NCOR1: variants seen among roughly 807,000 people sequenced by gnomAD.
NCOR1 encodes protein phosphatase 1, regulatory subunit 109.
NCOR1 carries 63 observed loss-of-function variants against 288.1 expected under a neutral mutation model. That is an observed-to-expected ratio of 0.22 (90% confidence interval 0.18 to 0.27). The LOEUF (loss-of-function observed/expected upper bound fraction) is 0.27, where lower values mean the gene tolerates loss of function less well. NCOR1 is among the 10% of genes least tolerant of loss of function. The pLI, the probability that NCOR1 is intolerant of heterozygous loss-of-function variation, is 1.00. For missense variants in NCOR1, 2,397 were observed against 3,019.2 expected (o/e 0.79, Z 4.83); for synonymous variants, 1,007 against 1,065.9 (o/e 0.94, Z 1.08).
chr17:16,135,891 G>C (rs2076323202), intron 14 of NCOR1, among the ~76,000 whole-genome samples: 1 of 152,166 alleles, frequency 6.6e-6, no homozygotes, highest in African/African-American at 2.4e-5. Context: ...CCCAACAAAA[G>C]GGTGGCTGAG....
At chr17:16,137,968 C>T in intron 13 of NCOR1, 190 bp downstream of exon 13, 2 of 487,252 alleles carry the variant, frequency 4.1e-6, no homozygotes, top group Non-Finnish European at 7.2e-6. Context: ...TTTCATTAAC[C>T]ATTTAGTTCT....
chr17:16,034,450 T>C (rs1268610467), intron 45 of NCOR1, among the ~76,000 whole-genome samples: 1 of 151,356 alleles, frequency 6.6e-6, no homozygotes, highest in African/African-American at 2.4e-5. Flanking sequence ...AAAATGAAAA[T>C]GAAAAAAATT....
intron 3 of NCOR1, among the ~76,000 whole-genome samples, chr17:16,175,850 A>T (rs2084055915): frequency 6.6e-6 from 1 of 151,672 alleles, no homozygotes; most frequent in African/African-American, 2.4e-5. Context: ...AAAAAAAAAA[A>T]AGATGGGTTT....
At position 16,030,285 on chromosome 17, in the gene NCOR1, G is replaced by C; in HGVS notation, c.*2011C>G. The stretch of plus-strand genomic sequence containing the variant: ...ATAGGCTGAGGATGAGAAGGGGTTG[G>C]TCTTGCTATCTTGGGTGGCAGAGGT... On this transcript the variant is annotated 3_prime_UTR_variant, in exon 46 of 46. Coordinates refer to ENST00000268712, the MANE Select transcript of NCOR1 (RefSeq NM_006311.4). 1 of 225,336 alleles carries C rather than the reference G, an allele frequency of 4.4e-6. No homozygotes were observed. The highest frequency in any genetic ancestry group is 6.4e-5 in the East Asian group (1 of 15,712). The allele number at this position is 225,336 out of a possible 1,614,324, so 14.0% of individuals were successfully genotyped here. A position where few individuals can be genotyped will look rare whatever the true frequency, so the allele number is the denominator to read the frequency against.
At chr17:16,036,158 T>C (rs1437084365) in intron 44 of NCOR1, among the ~76,000 whole-genome samples, 2 of 150,726 alleles carry the variant, frequency 1.3e-5, no homozygotes, top group African/African-American at 2.5e-5. Context: ...AGAATGGATG[T>C]TGTGTTAGCA....
chr17:16,210,699 A>G (rs1045272625), intron 1 of NCOR1, among the ~76,000 whole-genome samples: 3 of 152,026 alleles, frequency 2.0e-5, no homozygotes, highest in African/African-American at 7.2e-5. Flanking sequence ...CTAAATATCC[A>G]AAGTAATCTC....
At chr17:16,131,652 T>C (rs2075660447) in intron 14 of NCOR1, among the ~76,000 whole-genome samples, 2 of 152,180 alleles carry the variant, frequency 1.3e-5, no homozygotes, top group Non-Finnish European at 2.9e-5. Flanking sequence ...TTTAAAAATA[T>C]ACTTCGGGAA....
At chr17:16,126,782 T>C (rs544687921) in intron 14 of NCOR1, among the ~76,000 whole-genome samples, 41 of 152,318 alleles carry the variant, frequency 2.7e-4, no homozygotes, top group African/African-American at 8.7e-4. Flanking sequence ...AGCTAAGCAG[T>C]CACACTAGGA....
At chr17:16,122,128 C>T (rs1347547487) in intron 15 of NCOR1, among the ~76,000 whole-genome samples, 3 of 152,190 alleles carry the variant, frequency 2.0e-5, no homozygotes, top group African/African-American at 7.2e-5. Context: ...CATGTAGAAA[C>T]ATGGTGGTTC....
chr17:16,182,432 A>T (rs1473813739), intron 3 of NCOR1, among the ~76,000 whole-genome samples: 2 of 152,200 alleles, frequency 1.3e-5, no homozygotes, highest in African/African-American at 4.8e-5. Flanking sequence ...CAGAAAACTT[A>T]AATAAATTTA....
chr17:16,087,794 A>G (rs905102142), intron 22 of NCOR1, among the ~76,000 whole-genome samples: 23 of 152,378 alleles, frequency 1.5e-4, no homozygotes, highest in African/African-American at 5.5e-4. Context: ...AAGCCTTTCA[A>G]AAGATGCAGA....
Position 16,153,389 on chromosome 17 carries a change from C to A in NCOR1, c.739G>T (p.Ala247Ser). The A allele has an allele frequency of 6.3e-7, 1 of 1,593,076 alleles. No individual in the cohort carries two copies. Among genetic ancestry groups the A allele is most frequent in the Non-Finnish European group, 8.6e-7 (1 of 1,166,960 alleles). The change falls in exon 7 of 46, where the codon GCA (alanine) becomes TCA (serine). Residue 247 changes from alanine to serine, a missense_variant. This residue lies in a region of NCOR1 where 76 missense variants were observed against 102.2 expected (regional missense o/e 0.74). Transcript: ENST00000268712. ...QIIYDENRKK[A>S]EEAHKIFEGL... is the part of the protein sequence containing the mutation. ...TCAAAAATTTTATGAGCTTCTTCTGCTTTTTTCTAGAGATAAAGACATTGT... is the reference window on the plus strand; with the variant it reads ...TCAAAAATTTTATGAGCTTCTTCTGATTTTTTCTAGAGATAAAGACATTGT...
chr17:16,151,044 A>G (rs1473277780), intron 8 of NCOR1, among the ~76,000 whole-genome samples: 2 of 151,286 alleles, frequency 1.3e-5, no homozygotes, highest in East Asian at 3.9e-4. Context: ...AGAAAAAAAT[A>G]AATATATATA....
At chr17:16,213,417 C>G (rs546822059) in intron 1 of NCOR1, among the ~76,000 whole-genome samples, 8 of 136,930 alleles carry the variant, frequency 5.8e-5, no homozygotes, top group Admixed American at 4.2e-4. Context: ...TGCTTGAACC[C>G]GGAGGCGGAG....
In NCOR1 at chr17:16,086,384, C is replaced by G. The variant is rs1044538871; in HGVS notation, c.3075G>C (p.Pro1025=). ...ITNLPEGVRL[P]TTRPTRPPPP... ...GCGGTGGCCTGGTTGGTCGAGTTGT[C>G]GGAAGCCGAACGCCTTCAGGGAGAT... The change falls in exon 23 of 46, where the codon CCG becomes CCC. Residue 1025 remains proline (P), a synonymous_variant. Coordinates refer to ENST00000268712, the MANE Select transcript of NCOR1 (RefSeq NM_006311.4). The G allele has an allele frequency of 8.7e-6, 14 of 1,613,868 alleles. No homozygotes were observed. Among genetic ancestry groups the G allele is most frequent in the Non-Finnish European group, 1.1e-5 (13 of 1,179,994 alleles).
intron 14 of NCOR1, among the ~76,000 whole-genome samples, chr17:16,135,248 G>C (rs896027736): frequency 6.6e-6 from 1 of 151,718 alleles, no homozygotes; most frequent in Non-Finnish European, 1.5e-5. Flanking sequence ...GGTATTACAG[G>C]ACCTTGATTC....
intron 21 of NCOR1, among the ~76,000 whole-genome samples, chr17:16,097,900 C>T (rs916832134): frequency 2.4e-4 from 36 of 152,124 alleles, no homozygotes; most frequent in African/African-American, 8.0e-4. Context: ...TAGATGATTA[C>T]GCCAGGTAGT....
chr17:16,071,265 GAAAA>G, intron 30 of NCOR1, 140 bp downstream of exon 30: 1 of 1,020,586 alleles, frequency 9.8e-7, no homozygotes, highest in Non-Finnish European at 1.4e-6. Context: ...GTCCACAGAG[GAAAA>G]AAAAAAAAGG....
chr17:16,037,639 C>G (rs1305711408), intron 44 of NCOR1, among the ~76,000 whole-genome samples: 1 of 152,096 alleles, frequency 6.6e-6, no homozygotes, highest in Admixed American at 6.5e-5. Context: ...TAATGACCAA[C>G]CCCCCTTTCC....
Sources: gnomAD v4.1 joint callset for allele counts (sites outside exome capture counted in the v4.1 genomes callset) on GRCh38, gnomAD v4.1.1 for gene constraint, gnomAD v4.1.1 regional missense constraint, MANE v1.5 for transcripts, NCBI Gene and HGNC (gene_info 2026-07-23, HGNC 2026-07-21) for gene names.